Variants in TENM4 observed in about 807,000 individuals in gnomAD.
TENM4 encodes teneurin-4.
In TENM4, 82 loss-of-function variants were observed where a neutral mutation model predicts 243.3. That is an observed-to-expected ratio of 0.34 (90% confidence interval 0.28 to 0.40). The LOEUF is 0.40. TENM4 is among the 10% of genes least tolerant of loss of function. TENM4 has a pLI of 1.00. For missense variants in TENM4, 3,138 were observed against 3,673.3 expected, an observed-to-expected ratio of 0.85 and a Z score of 3.77; for synonymous variants, 1,412 against 1,456.3, an observed-to-expected ratio of 0.97 and a Z score of 0.69.
At chr11:78,841,852 A>G (rs1858265922) in intron 12 of TENM4, among the ~76,000 whole-genome samples, 1 of 152,046 alleles carries the variant, frequency 6.6e-6, no homozygotes, top group African/African-American at 2.4e-5. Flanking sequence ...TGCCTGCACC[A>G]ATGGGTGGAA....
intron 1 of TENM4, among the ~76,000 whole-genome samples, chr11:79,335,702 T>C (rs910820182): frequency 4.6e-5 from 7 of 152,176 alleles, no homozygotes; most frequent in Non-Finnish European, 5.9e-5. Flanking sequence ...AAGGCCTGTG[T>C]GCATCTTGGC....
chr11:79,005,209 T>C (rs1858451504), intron 6 of TENM4, among the ~76,000 whole-genome samples: 1 of 152,110 alleles, frequency 6.6e-6, no homozygotes, highest in Admixed American at 6.5e-5. Context: ...CCATTCCTAC[T>C]GAAACTATTC....
At chr11:78,901,594 A>T (rs890146985) in intron 7 of TENM4, among the ~76,000 whole-genome samples, 1 of 152,156 alleles carries the variant, frequency 6.6e-6, no homozygotes, top group Admixed American at 6.5e-5. Context: ...AAAGATGAAC[A>T]TCCAAGCAGA....
At chr11:78,873,065 A>T (rs150890104) in intron 9 of TENM4, among the ~76,000 whole-genome samples, 5 of 152,306 alleles carry the variant, frequency 3.3e-5, no homozygotes, top group African/African-American at 9.6e-5. Flanking sequence ...CACACAGAAC[A>T]GAGTGTTTGA....
At chr11:79,063,349 A>G (rs148751767) in intron 6 of TENM4, among the ~76,000 whole-genome samples, 1 of 152,126 alleles carries the variant, frequency 6.6e-6, no homozygotes, top group Non-Finnish European at 1.5e-5. Flanking sequence ...AATCACGAGG[A>G]TCTACATTTG....
At chr11:79,056,469 C>G (rs369243641) in intron 6 of TENM4, among the ~76,000 whole-genome samples, 50 of 152,094 alleles carry the variant, frequency 3.3e-4, no homozygotes, top group South Asian at 1.0e-3. Flanking sequence ...CTCCTAAGAA[C>G]AACAAAGCTA....
chr11:79,305,488 C>T (rs555635676), intron 1 of TENM4, among the ~76,000 whole-genome samples: 348 of 152,216 alleles, frequency 2.3e-3, no homozygotes, highest in Non-Finnish European at 3.8e-3. Context: ...TCAACTCTAC[C>T]GGGATGGAAT....
rs115873610 is a variant in TENM4, at chr11:78,797,709, G to A, written c.2179+7583C>T. ...TCCCAGGCAACTGGGAGGCTCTTCC[G>A]TGCCGCCCTCTGACACTTCCCTTCC... On this transcript the variant is annotated intron_variant, in intron 15 of 33. Coordinates refer to ENST00000278550, the MANE Select transcript of TENM4 (RefSeq NM_001098816.3). Among the ~76,000 whole-genome samples the A allele has an allele frequency of 7.4e-3, 1,123 of 152,210 alleles. 11 individuals carry two copies. Among genetic ancestry groups the A allele is most frequent in the African/African-American group, 0.026 (1,080 of 41,538 alleles).
intron 1 of TENM4, among the ~76,000 whole-genome samples, chr11:79,358,746 C>G (rs149145360): frequency 3.6e-3 from 1 of 278 alleles, no homozygotes; most frequent in Non-Finnish European, 7.8e-3. Context: ...TCTTCCTTTC[C>G]TTTCCTTTTT....
rs192853630 is a variant in TENM4 at position 78,961,180 on chromosome 11, G to C, written c.494-57657C>G. On this transcript the variant is annotated intron_variant, in intron 6 of 33. Transcript: ENST00000278550. ...ACCACACAAGCACTTATAAATAAAT[G>C]TTTGCCAAATCAACACAAAACCTAC... is the stretch of plus-strand genomic sequence containing the variant. Among the ~76,000 whole-genome samples the C allele has an allele frequency of 4.2e-3, 637 of 152,246 alleles. 6 individuals carry two copies. The highest frequency in any genetic ancestry group is 0.015 in the African/African-American group (617 of 41,546).
In TENM4 at chr11:78,897,851, C is replaced by T. The variant is rs536017763; in HGVS notation, c.749+5417G>A. Among the ~76,000 whole-genome samples, 106 of 152,298 alleles carry T rather than the reference C, an allele frequency of 7.0e-4. 1 individual carries two copies. The highest frequency in any genetic ancestry group is 2.5e-3 in the African/African-American group (105 of 41,554). ...TGGAGACCACCAGGATGGCCCCCAT[C>T]CCTGAGGGTGGGCAGGGTTTTTCCC... On this transcript the variant is annotated intron_variant, in intron 7 of 33. Transcript: ENST00000278550.
chr11:79,137,885 A>G (rs1862141396), intron 4 of TENM4, among the ~76,000 whole-genome samples: 1 of 152,034 alleles, frequency 6.6e-6, no homozygotes, highest in African/African-American at 2.4e-5. Context: ...TATGATCTCA[A>G]GAGATGTGCA....
At position 78,670,427 on chromosome 11, in the gene TENM4, C is replaced by A. The variant is rs1295635848; in HGVS notation, c.5918G>T (p.Gly1973Val). The stretch of plus-strand genomic sequence containing the variant: ...GGGCTGATAGATGTTTCTGTAGTAG[C>A]CCACTGAGCGGATGGTCTCTAGTGT... ...RQTLETIRSV[G>V]YYRNIYQPPE... is the part of the protein sequence containing the mutation. The change falls in exon 32 of 34, where the codon GGC becomes GTC. Residue 1973 changes from glycine (G) to valine (V), a missense_variant. By Grantham distance (109) the Gly-to-Val change is moderately radical. Coordinates refer to ENST00000278550, the MANE Select transcript of TENM4 (RefSeq NM_001098816.3). 6.2e-7 allele frequency: 1 copy of A among 1,613,962 alleles called. No individual in the cohort carries two copies. Among genetic ancestry groups the A allele is most frequent in the South Asian group, 1.1e-5 (1 of 91,066 alleles).
intron 14 of TENM4, among the ~76,000 whole-genome samples, chr11:78,809,572 GACAGCTTCAGGA>G (rs1170894718): frequency 6.6e-6 from 1 of 152,036 alleles, no homozygotes; most frequent in African/African-American, 2.4e-5. Flanking sequence ...ATCACACTGG[GACAGCTTCAGGA>G]ACAATGGTGA....
chr11:78,928,879 T>A (rs1856609406), intron 6 of TENM4, among the ~76,000 whole-genome samples: 1 of 152,202 alleles, frequency 6.6e-6, no homozygotes, highest in Admixed American at 6.5e-5. Context: ...AATGGCTACA[T>A]TTATGAAAGG....
intron 3 of TENM4, among the ~76,000 whole-genome samples, chr11:79,186,484 G>C (rs563610571): frequency 1.3e-5 from 2 of 152,182 alleles, no homozygotes; most frequent in African/African-American, 4.8e-5. Context: ...TTATAGATGA[G>C]GCTGAGAAAG....
Position 79,423,200 on chromosome 11 carries a change from A to T in TENM4, c.-321+17309T>A, listed in dbSNP as rs531820891. Among the ~76,000 whole-genome samples the T allele has an allele frequency of 6.2e-4, 94 of 152,310 alleles. 3 individuals are homozygous for T. In the South Asian group the frequency reaches 0.019, roughly 31 times the overall value. ...GATTCCAACTGGAGAGGTAACATTG[A>T]CTAAGCACCTACCATGTGCCAGGCA... On this transcript the variant is annotated intron_variant, in intron 1 of 33. Transcript: ENST00000278550.
chr11:79,366,874 C>T (rs1482867148), intron 1 of TENM4, among the ~76,000 whole-genome samples: 3 of 152,164 alleles, frequency 2.0e-5, no homozygotes, highest in Admixed American at 1.3e-4. Flanking sequence ...AGAAAAGTTC[C>T]TATCATTCAT....
At chr11:79,298,566 G>C (rs372311107) in intron 1 of TENM4, among the ~76,000 whole-genome samples, 3 of 150,168 alleles carry the variant, frequency 2.0e-5, no homozygotes, top group Non-Finnish European at 4.4e-5. Context: ...AGGGAAACTG[G>C]ACCGGCTGGT....
Sources: allele counts gnomAD v4.1 joint callset (sites outside exome capture counted in the v4.1 genomes callset), GRCh38; gene constraint gnomAD v4.1.1; transcripts MANE v1.5; gene names NCBI Gene and HGNC (gene_info 2026-07-23, HGNC 2026-07-21).